Variants in MAEL observed in about 807,000 individuals in gnomAD.
MAEL encodes the protein protein maelstrom homolog.
A neutral mutation model predicts 62.0 loss-of-function variants in MAEL; 46 were observed. The observed-to-expected ratio is 0.74, with a 90% CI of 0.59 to 0.95. The LOEUF (loss-of-function observed/expected upper bound fraction) is 0.95. Ranked by LOEUF, MAEL falls within the 40% of genes least tolerant of loss-of-function variation. The pLI is 0.00. For missense variants in MAEL, 497 were observed against 526.8 expected, an observed-to-expected ratio of 0.94 and a Z score of 0.55; for synonymous variants, 172 against 175.5, an observed-to-expected ratio of 0.98 and a Z score of 0.16.
At chr1:166,989,553 C>T in intron 1 of MAEL, 69 bp downstream of exon 1, 1 of 1,544,448 alleles carries the variant, frequency 6.5e-7, no homozygotes, top group Non-Finnish European at 8.8e-7. Context: ...GGCGGGAGGG[C>T]AGAAGGCCTC....
At chr1:166,979,280 T>C (rs950058243) in intron 1 of MAEL, among the ~76,000 whole-genome samples, 4 of 152,012 alleles carry the variant, frequency 2.6e-5, no homozygotes, top group African/African-American at 7.2e-5. Context: ...TGGTCCATCT[T>C]TTTTTTTCTC....
chr1:167,014,724 T>C (rs1451093251), intron 8 of MAEL, among the ~76,000 whole-genome samples: 4 of 152,140 alleles, frequency 2.6e-5, no homozygotes, highest in African/African-American at 9.7e-5. Context: ...GAATAGTGAC[T>C]CAGAGAAATG....
At position 167,005,264 on chromosome 1, in the gene MAEL, C is replaced by T. The variant is rs1292317800; in HGVS notation, c.712C>T (p.Gln238Ter). 6.2e-7 allele frequency: 1 copy of T among 1,612,236 alleles called. No individual in the cohort carries two copies. The highest frequency in any genetic ancestry group is 8.5e-7 in the Non-Finnish European group (1 of 1,179,416). ...CCATTTACTAATGGAAGAAATCAGG[C>T]AAGATCTACAACTTCTCACTGTAGA... ...KHMAKASEIR[Q>*]DLQLLTVEDL... The change falls in exon 8 of 12, where the codon CAA becomes TAA. Residue 238 changes from glutamine (Q) to a stop codon, truncating the protein, a stop_gained. Transcript: ENST00000367872. LOFTEE classifies it high-confidence loss of function.
intron 8 of MAEL, among the ~76,000 whole-genome samples, chr1:167,006,359 A>C (rs1427667003): frequency 6.6e-6 from 1 of 151,914 alleles, no homozygotes; most frequent in Non-Finnish European, 1.5e-5. Context: ...TTTTGAGTAC[A>C]GGCCAGTTAC....
chr1:167,007,388 G>GTA (rs960234179), intron 8 of MAEL, among the ~76,000 whole-genome samples: 1 of 151,994 alleles, frequency 6.6e-6, no homozygotes, highest in African/African-American at 2.4e-5. Flanking sequence ...GGCCTATCTT[G>GTA]TACTTTCTTT....
Position 166,989,832 on chromosome 1 carries a change from A to G in MAEL, c.225+3A>G, listed in dbSNP as rs1664085943. Reference sequence around the variant, plus strand: ...ACCCTGGGCCCTCAGAGAAGCAGGTAAAGTTAACGAGAGAAGAGCCGCCAT... The same window carrying G: ...ACCCTGGGCCCTCAGAGAAGCAGGTGAAGTTAACGAGAGAAGAGCCGCCAT... On this transcript the variant is annotated splice_donor_region_variant and intron_variant, in intron 2 of 11. Transcript: ENST00000367872. 6.2e-7 allele frequency: 1 copy of G among 1,609,196 alleles called. No homozygotes were observed.
rs766844031 is a variant in MAEL, at chr1:167,005,246, CTAATG to C, written c.704-9_704-5del. 3 of 1,610,714 alleles carry C rather than the reference CTAATG, an allele frequency of 1.9e-6. No individual in the cohort carries two copies. The highest frequency in any genetic ancestry group is 2.5e-6 in the Non-Finnish European group (3 of 1,178,394). The stretch of plus-strand genomic sequence containing the variant: ...CTAATTGTATGTGTTTTTCCATTTA[CTAATG>C]GAAGAAATCAGGCAAGATCTACAAC... On this transcript the variant is annotated splice_polypyrimidine_tract_variant and splice_region_variant and intron_variant, in intron 7 of 11. Transcript: ENST00000367872.
chr1:167,015,191 T>C (rs1333747642), intron 8 of MAEL, among the ~76,000 whole-genome samples: 1 of 152,080 alleles, frequency 6.6e-6, no homozygotes, highest in South Asian at 2.1e-4. Context: ...CCAGCCAGTT[T>C]AGAGTTTTTT....
At chr1:166,982,341 C>G (rs1282885440) in intron 1 of MAEL, among the ~76,000 whole-genome samples, 1 of 152,140 alleles carries the variant, frequency 6.6e-6, no homozygotes, top group Non-Finnish European at 1.5e-5. Context: ...AGTCACTTCA[C>G]CACTCTAAGC....
intron 4 of MAEL, among the ~76,000 whole-genome samples, chr1:166,993,400 G>T (rs1472169398): frequency 6.6e-6 from 1 of 152,144 alleles, no homozygotes; most frequent in Non-Finnish European, 1.5e-5. Context: ...AAAAAGCAAG[G>T]TAGGTATGAA....
intron 1 of MAEL, among the ~76,000 whole-genome samples, chr1:166,982,781 T>C (rs1663798116): frequency 6.6e-6 from 1 of 152,178 alleles, no homozygotes; most frequent in Non-Finnish European, 1.5e-5. Flanking sequence ...CCCTCTCTAA[T>C]ATTCTCTCTA....
At chr1:166,982,941 C>T (rs1474946485) in intron 1 of MAEL, among the ~76,000 whole-genome samples, 1 of 152,188 alleles carries the variant, frequency 6.6e-6, no homozygotes, top group East Asian at 1.9e-4. Context: ...TTTGCTTGCT[C>T]TCTTCCTTCT....
In MAEL at chr1:166,989,286, G is replaced by A. The variant is rs925895925; in HGVS notation, c.-67G>A. On this transcript the variant is annotated 5_prime_UTR_variant, in exon 1 of 12. Transcript: ENST00000367872. Reference sequence around the variant, plus strand: ...GCAGGCGCCTACCTCTGTTACTTAGGGCGGGAGCCCGGCGAGGGCGCCGGT... The same window carrying A: ...GCAGGCGCCTACCTCTGTTACTTAGAGCGGGAGCCCGGCGAGGGCGCCGGT... 7.1e-6 allele frequency: 11 copies of A among 1,549,926 alleles called. No homozygotes were observed. In the African/African-American group the frequency reaches 9.5e-5, roughly 13 times the overall value.
chr1:166,978,934 T>C (rs1302476935), intron 1 of MAEL, among the ~76,000 whole-genome samples: 1 of 152,204 alleles, frequency 6.6e-6, no homozygotes, highest in Admixed American at 6.5e-5. Context: ...CAGCTGGGAT[T>C]GTATGTGGTG....
At chr1:167,015,723 T>G (rs1005847154) in intron 8 of MAEL, among the ~76,000 whole-genome samples, 4 of 152,200 alleles carry the variant, frequency 2.6e-5, no homozygotes, top group African/African-American at 9.7e-5. Context: ...GTTGTTCCTC[T>G]CCAATATTTT....
intron 3 of MAEL, among the ~76,000 whole-genome samples, chr1:166,991,903 A>G (rs1218289302): frequency 3.3e-5 from 5 of 152,250 alleles, no homozygotes; most frequent in Non-Finnish European, 7.3e-5. Context: ...GGTGATGGAT[A>G]TGTTAATGAG....
At position 167,017,808 on chromosome 1, in the gene MAEL, A is replaced by G. The variant is rs1287238918; in HGVS notation, c.909-19A>G. 4 of 1,586,722 alleles carry G rather than the reference A, an allele frequency of 2.5e-6. No homozygotes were observed. The highest frequency in any genetic ancestry group is 8.6e-7 in the Non-Finnish European group (1 of 1,168,162). ...AATTAAATTAGATTCTGATAGTGAG[A>G]TTTTTATTTCTTTTAAAGGTACTGC... On this transcript the variant is annotated intron_variant, in intron 9 of 11. Transcript: ENST00000367872.
At chr1:166,998,754 T>C (rs1344502997) in intron 5 of MAEL, among the ~76,000 whole-genome samples, 1 of 152,210 alleles carries the variant, frequency 6.6e-6, no homozygotes, top group African/African-American at 2.4e-5. Context: ...TTTTACACAT[T>C]GAGGTTTCTG....
intron 2 of MAEL, 200 bp downstream of exon 2, chr1:166,990,029 A>G (rs1664099124): frequency 3.7e-6 from 2 of 546,742 alleles, no homozygotes; most frequent in South Asian, 2.6e-5. Flanking sequence ...GCATGCACAC[A>G]TTGGTGTAAT....
Sources: allele counts gnomAD v4.1 joint callset (sites outside exome capture counted in the v4.1 genomes callset), GRCh38; gene constraint gnomAD v4.1.1; transcripts MANE v1.5; gene names NCBI Gene and HGNC (gene_info 2026-07-23, HGNC 2026-07-21).